Variants in USH2A observed in about 807,000 individuals in gnomAD.
USH2A encodes the protein usherin, also known as Usher syndrome 2A (autosomal recessive, mild).
In USH2A, 443 loss-of-function variants were observed where a neutral mutation model predicts 538.9. The ratio of observed to expected loss-of-function variants is 0.82; its 90% CI spans 0.76 to 0.89. USH2A has a LOEUF of 0.89. Ranked by LOEUF, USH2A falls within the 40% of genes least tolerant of loss-of-function variation. The pLI, the probability that USH2A is intolerant of heterozygous loss-of-function variation, is 0.00. For missense variants in USH2A, 6,633 were observed against 6,324.8 expected, an observed-to-expected ratio of 1.05 and a Z score of -1.65; for synonymous variants, 2,413 against 2,273.5, an observed-to-expected ratio of 1.06 and a Z score of -1.75.
chr1:215,950,701 G>C (rs2102440321), intron 37 of USH2A, among the ~76,000 whole-genome samples: 1 of 151,736 alleles, frequency 6.6e-6, no homozygotes, highest in South Asian at 2.1e-4. Flanking sequence ...TAGTAGAAAT[G>C]GGGTTTCACC....
chr1:215,968,810 G>A (rs1458431715), intron 36 of USH2A, among the ~76,000 whole-genome samples: 2 of 151,798 alleles, frequency 1.3e-5, no homozygotes, highest in African/African-American at 2.4e-5. Context: ...TCATAGCATC[G>A]GGCTCTATTT....
At chr1:215,650,479 G>A in intron 65 of USH2A, 113 bp downstream of exon 65, 2 of 1,293,760 alleles carry the variant, frequency 1.5e-6, no homozygotes, top group South Asian at 2.5e-5. Flanking sequence ...TAGAGCAACT[G>A]AGAACAGAAG....
At chr1:216,184,180 C>A (rs908783714) in intron 20 of USH2A, among the ~76,000 whole-genome samples, 2 of 151,952 alleles carry the variant, frequency 1.3e-5, no homozygotes, top group Admixed American at 6.6e-5. Flanking sequence ...TAAAATGGTG[C>A]CTTTATTCTT....
intron 21 of USH2A, among the ~76,000 whole-genome samples, chr1:216,169,067 T>C (rs1238342210): frequency 6.6e-6 from 1 of 152,148 alleles, no homozygotes; most frequent in Non-Finnish European, 1.5e-5. Flanking sequence ...CTTGATAAAC[T>C]GGCTCTGTCT....
rs1310133198 is a variant in USH2A, at chr1:216,246,729, A to G, written c.2665T>C (p.Leu889=). 3.1e-6 allele frequency: 5 copies of G among 1,613,990 alleles called. No individual in the cohort carries two copies. Among genetic ancestry groups the G allele is most frequent in the Admixed American group, 1.7e-5 (1 of 60,000 alleles). Reference sequence around the variant, plus strand: ...CAGTGTTGAAAATTGTCAATGGTCAAATTGTACCTGTGAGGCTCACACTGA... The same window carrying G: ...CAGTGTTGAAAATTGTCAATGGTCAGATTGTACCTGTGAGGCTCACACTGA... ...CNQCEPHRYN[L]TIDNFQHCQM... The change falls in exon 13 of 72, where the codon TTG becomes CTG. Residue 889 remains leucine, a synonymous_variant. Transcript: ENST00000307340.
At chr1:216,139,154 A>G (rs1181841301) in intron 21 of USH2A, among the ~76,000 whole-genome samples, 4 of 151,972 alleles carry the variant, frequency 2.6e-5, no homozygotes, top group Non-Finnish European at 5.9e-5. Context: ...ATTTCCTCTA[A>G]TTACCAACTG....
intron 20 of USH2A, among the ~76,000 whole-genome samples, chr1:216,177,597 C>G (rs1163845750): frequency 6.6e-6 from 1 of 152,142 alleles, no homozygotes; most frequent in Non-Finnish European, 1.5e-5. Context: ...TGGGCTTAGC[C>G]TTGGAGCAGT....
chr1:215,680,473 T>A, intron 61 of USH2A, 97 bp from the exon 62 acceptor site: 1 of 1,212,692 alleles, frequency 8.2e-7, no homozygotes, highest in Non-Finnish European at 1.2e-6. Flanking sequence ...CCAAAGCTTG[T>A]AGGCAACAGC....
chr1:216,383,866 C>CTTTTTT (rs57494312), intron 3 of USH2A, among the ~76,000 whole-genome samples: 3 of 134,924 alleles, frequency 2.2e-5, no homozygotes, highest in Admixed American at 1.5e-4. Context: ...TTCTTTCTTT[C>CTTTTTT]TTTTTTTTTT....
intron 59 of USH2A, among the ~76,000 whole-genome samples, chr1:215,741,989 G>T (rs1471709925): frequency 6.6e-6 from 1 of 152,108 alleles, no homozygotes; most frequent in African/African-American, 2.4e-5. Context: ...TCTATTTGAA[G>T]GATATTGTAC....
intron 30 of USH2A, among the ~76,000 whole-genome samples, chr1:216,065,459 T>A (rs548165651): frequency 7.9e-4 from 121 of 152,354 alleles, no homozygotes; most frequent in African/African-American, 2.9e-3. Context: ...AAATATTTTT[T>A]AAATCTCTAC....
chr1:216,139,515 C>T (rs1282127955), intron 21 of USH2A, among the ~76,000 whole-genome samples: 1 of 152,020 alleles, frequency 6.6e-6, no homozygotes, highest in Non-Finnish European at 1.5e-5. Flanking sequence ...ATTGACTGCT[C>T]AATATGCTTG....
chr1:215,963,168 A>C (rs1033545668), intron 37 of USH2A, among the ~76,000 whole-genome samples: 1 of 152,186 alleles, frequency 6.6e-6, no homozygotes, highest in African/African-American at 2.4e-5. Flanking sequence ...TAAGCTTTGT[A>C]TAAATCTAGT....
At chr1:215,666,765 G>A (rs1173436113) in intron 64 of USH2A, among the ~76,000 whole-genome samples, 3 of 152,176 alleles carry the variant, frequency 2.0e-5, no homozygotes, top group Non-Finnish European at 4.4e-5. Context: ...AAAAAAAAGT[G>A]GGTTGTGGAC....
chr1:215,742,308 A>G (rs1660327565), intron 59 of USH2A, among the ~76,000 whole-genome samples: 1 of 152,168 alleles, frequency 6.6e-6, no homozygotes. Flanking sequence ...CTACACATTG[A>G]GTCTGATAAA....
intron 38 of USH2A, among the ~76,000 whole-genome samples, chr1:215,911,889 T>G (rs1665793946): frequency 6.6e-6 from 1 of 152,104 alleles, no homozygotes; most frequent in South Asian, 2.1e-4. Context: ...TGCCTGTTTT[T>G]TGGACATAAG....
At chr1:215,841,789 C>T (rs1248169852) in intron 46 of USH2A, among the ~76,000 whole-genome samples, 1 of 152,026 alleles carries the variant, frequency 6.6e-6, no homozygotes, top group Admixed American at 6.6e-5. Context: ...TTTTTGCAAT[C>T]TATCCATCTG....
intron 38 of USH2A, among the ~76,000 whole-genome samples, chr1:215,913,885 G>T (rs1456131304): frequency 1.3e-5 from 2 of 151,856 alleles, no homozygotes; most frequent in Non-Finnish European, 2.9e-5. Flanking sequence ...TCATTAGAAT[G>T]CCAGAAAGAG....
intron 3 of USH2A, among the ~76,000 whole-genome samples, chr1:216,393,514 G>A (rs1195423239): frequency 4.0e-5 from 6 of 151,708 alleles, no homozygotes; most frequent in African/African-American, 1.5e-4. Flanking sequence ...TTTCCATGTG[G>A]CTTTTTATTA....
Sources: allele counts gnomAD v4.1 joint callset (sites outside exome capture counted in the v4.1 genomes callset), GRCh38; gene constraint gnomAD v4.1.1; transcripts MANE v1.5; gene names NCBI Gene and HGNC (gene_info 2026-07-23, HGNC 2026-07-21).